Variants in RASSF9 observed in about 807,000 individuals in gnomAD.
RASSF9 encodes the protein Ras association domain family member 9, also known as ras association domain-containing protein 9.
Under a neutral mutation model 21.4 loss-of-function variants are expected in RASSF9, and 18 were observed. The ratio of observed to expected loss-of-function variants is 0.84; its 90% CI spans 0.58 to 1.25. The LOEUF (loss-of-function observed/expected upper bound fraction) is 1.25, where lower values mean the gene tolerates loss of function less well. Ranked by LOEUF, RASSF9 falls within the 50% of genes most tolerant of loss-of-function variation. The probability of loss-of-function intolerance (pLI) is 0.00; values close to 1 mark genes in which losing one functional copy is unlikely to be tolerated. For synonymous variants in RASSF9, 183 were observed against 179.1 expected (o/e 1.02, Z -0.18); for missense variants, 480 against 503.2 (o/e 0.95, Z 0.44).
Position 85,810,185 on chromosome 12 carries a change from A to G in RASSF9, c.48-4223T>C, listed in dbSNP as rs116704968. Among the ~76,000 whole-genome samples, 328 of 152,042 alleles carry G rather than the reference A, an allele frequency of 2.2e-3. 1 individual carries two copies. The highest frequency in any genetic ancestry group is 7.8e-3 in the African/African-American group (322 of 41,534). On this transcript the variant is annotated intron_variant, in intron 1 of 1. Coordinates refer to ENST00000361228, the MANE Select transcript of RASSF9 (RefSeq NM_005447.4). ...CAGACTTAGGATTTATTTAAAATAA[A>G]CCATATTTATTTTATAATGTGGCTG...
chr12:85,827,363 T>C (rs760625018), intron 1 of RASSF9, among the ~76,000 whole-genome samples: 2 of 152,160 alleles, frequency 1.3e-5, no homozygotes, highest in Non-Finnish European at 2.9e-5. Flanking sequence ...ATCATTACAC[T>C]AGTCATCATA....
intron 1 of RASSF9, among the ~76,000 whole-genome samples, chr12:85,810,638 C>T (rs1325027153): frequency 2.0e-5 from 3 of 151,886 alleles, no homozygotes; most frequent in Non-Finnish European, 4.4e-5. Flanking sequence ...AATATTTTAA[C>T]ACTCGAACTG....
chr12:85,813,105 C>T (rs1459939457), intron 1 of RASSF9, among the ~76,000 whole-genome samples: 1 of 151,740 alleles, frequency 6.6e-6, no homozygotes, highest in Non-Finnish European at 1.5e-5. Context: ...TCGTCAACAC[C>T]AGTTTAATTA....
chr12:85,816,608 AAAC>A (rs1880071169), intron 1 of RASSF9, among the ~76,000 whole-genome samples: 1 of 152,178 alleles, frequency 6.6e-6, no homozygotes, highest in African/African-American at 2.4e-5. Context: ...TCATAGCATG[AAAC>A]AAAACCAGAA....
intron 1 of RASSF9, among the ~76,000 whole-genome samples, chr12:85,824,917 GTGT>G (rs1263315205): frequency 2.0e-5 from 3 of 152,040 alleles, no homozygotes; most frequent in Non-Finnish European, 4.4e-5. Context: ...TCTGCTTTAG[GTGT>G]TAAGTGTTGC....
At position 85,801,494 on chromosome 12, in the gene RASSF9, CA is replaced by C. The variant is rs1879698884; in HGVS notation, c.*3207del. The C allele has an allele frequency of 6.6e-6, 1 of 152,066 alleles. No homozygotes were observed. The highest frequency in any genetic ancestry group is 1.5e-5 in the Non-Finnish European group (1 of 68,010). The allele number at this position is 152,066 out of a possible 1,614,324, so 9.4% of individuals were successfully genotyped here. ...AGTTAATAGGAAAGAGTAAGGCTAA[CA>C]AGACAGATGATAAAGTAATTTAATA... On this transcript the variant is annotated 3_prime_UTR_variant, in exon 2 of 2. Coordinates refer to ENST00000361228, the MANE Select transcript of RASSF9 (RefSeq NM_005447.4).
chr12:85,816,505 C>T lies in RASSF9; in HGVS notation c.48-10543G>A, dbSNP rs192017229. Among the ~76,000 whole-genome samples, 9 of 152,102 alleles carry T rather than the reference C, an allele frequency of 5.9e-5. No homozygotes were observed. In the East Asian group the frequency reaches 1.7e-3, roughly 29 times the overall value. On this transcript the variant is annotated intron_variant, in intron 1 of 1. Coordinates refer to ENST00000361228, the MANE Select transcript of RASSF9 (RefSeq NM_005447.4). Reference sequence around the variant, plus strand: ...AAAACATAATACACGTAATTCCCTTCAAAATTTCAGTTAAATATCAGTACA... The same window carrying T: ...AAAACATAATACACGTAATTCCCTTTAAAATTTCAGTTAAATATCAGTACA...
In RASSF9 at chr12:85,805,650, A is replaced by G. The variant is rs1879811635; in HGVS notation, c.360T>C (p.Phe120=). 1.2e-6 allele frequency: 2 copies of G among 1,613,900 alleles called. No homozygotes were observed. The part of the protein sequence containing the change: ...MQFVLVKADA[F]LPVPLWRTAE... ...CTGTCCGCCACAAAGGAACTGGAAG[A>G]AAAGCATCTGCTTTAACCAAAACAA... Residue 120 remains phenylalanine (F), a synonymous_variant, in exon 2 of 2, where the codon TTT becomes TTC. Transcript: ENST00000361228.
intron 1 of RASSF9, among the ~76,000 whole-genome samples, chr12:85,811,031 A>G (rs1412497945): frequency 2.0e-5 from 3 of 151,824 alleles, no homozygotes; most frequent in Non-Finnish European, 2.9e-5. Flanking sequence ...TCTTACAAAT[A>G]TTTTCCAATT....
At chr12:85,806,938 AC>A (rs1879849659) in intron 1 of RASSF9, among the ~76,000 whole-genome samples, 1 of 152,136 alleles carries the variant, frequency 6.6e-6, no homozygotes, top group African/African-American at 2.4e-5. Context: ...TGCCAGACAC[AC>A]CTGAAGATAC....
At chr12:85,822,311 A>G (rs936407855) in intron 1 of RASSF9, among the ~76,000 whole-genome samples, 1 of 152,212 alleles carries the variant, frequency 6.6e-6, no homozygotes, top group Non-Finnish European at 1.5e-5. Context: ...GACATAAGTC[A>G]TATGCAGGAA....
Position 85,805,765 on chromosome 12 carries a change from T to A in RASSF9, c.245A>T (p.Lys82Met), listed in dbSNP as rs367564230. ...AAGAACCCTTTCGGAGCCTCTCCACTTCTCTATGATGCAGTAATCACTGGG... is the reference window on the plus strand; with the variant it reads ...AAGAACCCTTTCGGAGCCTCTCCACATCTCTATGATGCAGTAATCACTGGG... The part of the protein sequence containing the change: ...GKPSDYCIIE[K>M]WRGSERVLPP... The change falls in exon 2 of 2, where the codon AAG (lysine) becomes ATG (methionine). Residue 82 changes from lysine to methionine, a missense_variant. Coordinates refer to ENST00000361228, the MANE Select transcript of RASSF9 (RefSeq NM_005447.4). The A allele has an allele frequency of 3.6e-5, 58 of 1,613,758 alleles. No homozygotes were observed. In the African/African-American group the frequency reaches 5.9e-4, roughly 16 times the overall value.
chr12:85,835,289 T>A (rs1165776770), intron 1 of RASSF9, among the ~76,000 whole-genome samples: 2 of 152,210 alleles, frequency 1.3e-5, no homozygotes, highest in Middle Eastern at 3.4e-3. Context: ...AATATATTTT[T>A]AAAAAAATAT....
intron 1 of RASSF9, among the ~76,000 whole-genome samples, chr12:85,811,972 T>A (rs1879963690): frequency 6.6e-6 from 1 of 151,782 alleles, no homozygotes; most frequent in Non-Finnish European, 1.5e-5. Context: ...TTGAATAAGA[T>A]CATAGCTGTG....
chr12:85,819,208 GC>G (rs1467791748), intron 1 of RASSF9, among the ~76,000 whole-genome samples: 4 of 142,330 alleles, frequency 2.8e-5, no homozygotes, highest in African/African-American at 1.1e-4. Flanking sequence ...ACTGCTTTAA[GC>G]ATTTTTTTTT....
chr12:85,835,206 C>A (rs1267136971), intron 1 of RASSF9, among the ~76,000 whole-genome samples: 1 of 152,040 alleles, frequency 6.6e-6, no homozygotes, highest in Non-Finnish European at 1.5e-5. Flanking sequence ...TGAATCTGCA[C>A]TGAGCAAATT....
intron 1 of RASSF9, among the ~76,000 whole-genome samples, chr12:85,814,956 G>A (rs1002977939): frequency 1.1e-4 from 16 of 151,984 alleles, no homozygotes; most frequent in African/African-American, 3.1e-4. Flanking sequence ...GTTGTGGTAG[G>A]GCTGTGAGTC....
chr12:85,822,900 C>G (rs958207258), intron 1 of RASSF9, among the ~76,000 whole-genome samples: 1 of 152,108 alleles, frequency 6.6e-6, no homozygotes, highest in African/African-American at 2.4e-5. Flanking sequence ...CCTCAGCCCA[C>G]CACAAAATGT....
chr12:85,806,998 G>T (rs1439509226), intron 1 of RASSF9, among the ~76,000 whole-genome samples: 2 of 152,096 alleles, frequency 1.3e-5, no homozygotes, highest in Non-Finnish European at 2.9e-5. Context: ...ACATGAATAT[G>T]TAACTAATGT....
Sources: gnomAD v4.1 joint callset for allele counts (sites outside exome capture counted in the v4.1 genomes callset) on GRCh38, gnomAD v4.1.1 for gene constraint, MANE v1.5 for transcripts, NCBI Gene and HGNC (gene_info 2026-07-23, HGNC 2026-07-21) for gene names.